Variants in TNKS observed in about 807,000 individuals in gnomAD.
The protein encoded by TNKS is tankyrase.
Under a neutral mutation model 135.8 loss-of-function variants are expected in TNKS, and 72 were observed. The observed-to-expected ratio is 0.53, with a 90% CI of 0.44 to 0.64. The LOEUF (loss-of-function observed/expected upper bound fraction) is 0.64. TNKS is among the 30% of genes least tolerant of loss of function. TNKS has a pLI of 0.00. For missense variants in TNKS, 1,769 were observed against 1,674.0 expected (o/e 1.06, Z -0.99); for synonymous variants, 849 against 649.3 (o/e 1.31, Z -4.68).
intron 11 of TNKS, among the ~76,000 whole-genome samples, chr8:9,717,252 A>G (rs1415490800): frequency 4.6e-5 from 7 of 151,336 alleles, no homozygotes; most frequent in African/African-American, 1.7e-4. Flanking sequence ...CAAGTAAAAT[A>G]TTGATTACTA....
At position 9,756,214 on chromosome 8, in the gene TNKS, C is replaced by T. The variant is rs535705922; in HGVS notation, c.3153+3588C>T. Among the ~76,000 whole-genome samples, 10 of 152,182 alleles carry T rather than the reference C, an allele frequency of 6.6e-5. No individual in the cohort carries two copies. In the South Asian group the frequency reaches 2.1e-3, roughly 32 times the overall value. On this transcript the variant is annotated intron_variant, in intron 20 of 26. Transcript: ENST00000310430. ...AAATTCTTGAAGACAAAAGCATGGCCTCCCATAATTCATTGTGAACTTGAT... is the reference window on the plus strand; with the variant it reads ...AAATTCTTGAAGACAAAAGCATGGCTTCCCATAATTCATTGTGAACTTGAT...
At chr8:9,612,730 A>T in intron 2 of TNKS, among the ~76,000 whole-genome samples, 1 of 152,160 alleles carries the variant, frequency 6.6e-6, no homozygotes, top group East Asian at 1.9e-4. Flanking sequence ...ACCCTTGAAC[A>T]ATGCAGGGGT....
chr8:9,749,760 GGTGTGAAC>G lies in TNKS; in HGVS notation c.2832+1549_2832+1556del, dbSNP rs1218217569. On this transcript the variant is annotated intron_variant, in intron 18 of 26. Transcript: ENST00000310430. The stretch of plus-strand genomic sequence containing the variant: ...AGCCTCCCAAAGTGCTGGGATTACA[GGTGTGAAC>G]CACTGTACATAGCCTCTGTAGCTCT... Among the ~76,000 whole-genome samples, 7 of 152,236 alleles carry G rather than the reference GGTGTGAAC, an allele frequency of 4.6e-5. No homozygotes were observed. The East Asian group carries it at 1.4e-3, about 29-fold the overall frequency.
chr8:9,587,661 C>G (rs537093748), intron 2 of TNKS, among the ~76,000 whole-genome samples: 6 of 152,234 alleles, frequency 3.9e-5, no homozygotes, highest in African/African-American at 1.4e-4. Context: ...CTCGGCCTCC[C>G]AAAGTGCTGG....
chr8:9,577,188 A>C (rs919658744), intron 1 of TNKS, among the ~76,000 whole-genome samples: 2 of 152,104 alleles, frequency 1.3e-5, no homozygotes, highest in Non-Finnish European at 2.9e-5. Flanking sequence ...TGAAAATGAA[A>C]ATTGGTAGAG....
intron 5 of TNKS, among the ~76,000 whole-genome samples, chr8:9,692,238 C>G (rs185499324): frequency 6.6e-6 from 1 of 152,154 alleles, no homozygotes; most frequent in African/African-American, 2.4e-5. Context: ...GTTTTCCCAT[C>G]GTTGTGTTCA....
Position 9,555,939 on chromosome 8 carries a change from G to C in TNKS, c.-1G>C, listed in dbSNP as rs781149091. ...AGTGACAGTGCTAGGGGAGTCCGAAGATGGCGGCGTCGCGTCGCTCTCAGC... is the reference window on the plus strand; with the variant it reads ...AGTGACAGTGCTAGGGGAGTCCGAACATGGCGGCGTCGCGTCGCTCTCAGC... On this transcript the variant is annotated 5_prime_UTR_variant, in exon 1 of 27. Transcript: ENST00000310430. 3 of 1,609,106 alleles carry C rather than the reference G, an allele frequency of 1.9e-6. No homozygotes were observed.
At chr8:9,667,780 A>T (rs943997041) in intron 3 of TNKS, among the ~76,000 whole-genome samples, 4 of 149,218 alleles carry the variant, frequency 2.7e-5, no homozygotes, top group African/African-American at 9.8e-5. Context: ...TTACTGTGTT[A>T]GATTTCATTG....
At chr8:9,638,377 G>A (rs993512576) in intron 3 of TNKS, among the ~76,000 whole-genome samples, 2 of 152,206 alleles carry the variant, frequency 1.3e-5, no homozygotes, top group African/African-American at 4.8e-5. Context: ...ATGTTATGGT[G>A]AAATGTTGTG....
chr8:9,562,141 T>TC (rs1187198365), intron 1 of TNKS, among the ~76,000 whole-genome samples: 1 of 152,054 alleles, frequency 6.6e-6, no homozygotes, highest in East Asian at 1.9e-4. Flanking sequence ...TGAAGTTTTG[T>TC]CCTTTTTTTT....
intron 25 of TNKS, among the ~76,000 whole-genome samples, 192 bp downstream of exon 25, chr8:9,766,617 C>T (rs1467690009): frequency 6.6e-6 from 1 of 151,784 alleles, no homozygotes; most frequent in African/African-American, 2.4e-5. Context: ...TCCTCAGTAG[C>T]TGGGATTACA....
At chr8:9,595,126 A>ATTT (rs33914315) in intron 2 of TNKS, among the ~76,000 whole-genome samples, 2 of 145,310 alleles carry the variant, frequency 1.4e-5, no homozygotes, top group South Asian at 4.4e-4. Context: ...CTGAATTGGT[A>ATTT]TTTTTTTTTT....
intron 2 of TNKS, among the ~76,000 whole-genome samples, chr8:9,607,010 GGCTTA>G (rs534386841): frequency 4.1e-4 from 63 of 152,012 alleles, no homozygotes; most frequent in African/African-American, 1.4e-3. Context: ...TCTAGACTAG[GGCTTA>G]TTCTAGGGGA....
At chr8:9,587,490 C>G (rs1220414299) in intron 2 of TNKS, among the ~76,000 whole-genome samples, 2 of 151,564 alleles carry the variant, frequency 1.3e-5, no homozygotes, top group Non-Finnish European at 2.9e-5. Context: ...AGCTCGGCCT[C>G]CTGGGTTCAC....
intron 1 of TNKS, among the ~76,000 whole-genome samples, chr8:9,566,859 C>T (rs1016858937): frequency 2.6e-5 from 4 of 151,944 alleles, no homozygotes; most frequent in African/African-American, 4.8e-5. Context: ...CCACCCGCCT[C>T]GGCCTCCCAA....
chr8:9,624,866 C>G (rs182263396), intron 3 of TNKS, among the ~76,000 whole-genome samples: 5 of 152,194 alleles, frequency 3.3e-5, no homozygotes, highest in African/African-American at 1.2e-4. Context: ...TTTAAATCAG[C>G]TTTAGTTATA....
intron 3 of TNKS, among the ~76,000 whole-genome samples, chr8:9,621,821 CCTTA>C (rs1373524609): frequency 1.3e-5 from 2 of 151,958 alleles, no homozygotes; most frequent in South Asian, 2.1e-4. Context: ...ATAAATCTTA[CCTTA>C]CTTATTAAGA....
intron 12 of TNKS, among the ~76,000 whole-genome samples, chr8:9,725,374 G>T (rs1182753772): frequency 6.6e-6 from 1 of 152,110 alleles, no homozygotes; most frequent in African/African-American, 2.4e-5. Context: ...GATTTACTTT[G>T]TTATATGAAA....
intron 13 of TNKS, among the ~76,000 whole-genome samples, chr8:9,727,634 C>G (rs1399138901): frequency 6.6e-6 from 1 of 152,168 alleles, no homozygotes; most frequent in African/African-American, 2.4e-5. Context: ...ACACTCAGTA[C>G]TTTTTACGAC....
Sources: allele counts gnomAD v4.1 joint callset (sites outside exome capture counted in the v4.1 genomes callset), GRCh38; gene constraint gnomAD v4.1.1; transcripts MANE v1.5; gene names NCBI Gene and HGNC (gene_info 2026-07-23, HGNC 2026-07-21).